The following UBE2D2 variants were observed in gnomAD, a reference collection of about 807,000 sequenced individuals.
UBE2D2 encodes the protein ubiquitin conjugating enzyme E2 D2.
Under a neutral mutation model 24.2 loss-of-function variants are expected in UBE2D2, and 2 were observed. That is an observed-to-expected ratio of 0.08 (90% CI 0.03 to 0.26). The LOEUF is 0.26. Among genes scored for constraint, UBE2D2 ranks in the 10% least tolerant of loss-of-function variants. The pLI is 1.00. For synonymous variants in UBE2D2, 58 were observed against 56.5 expected, an observed-to-expected ratio of 1.03 and a Z score of -0.12; for missense variants, 44 against 177.6, an observed-to-expected ratio of 0.25 and a Z score of 4.28.
At chr5:139,587,843 C>A (rs1041489099) in intron 1 of UBE2D2, among the ~76,000 whole-genome samples, 1 of 152,104 alleles carries the variant, frequency 6.6e-6, no homozygotes, top group Non-Finnish European at 1.5e-5. Context: ...TCCTGCTGTG[C>A]TCTCAGGCAG....
chr5:139,543,386 C>T (rs1257431369), intron 1 of UBE2D2, among the ~76,000 whole-genome samples: 1 of 152,202 alleles, frequency 6.6e-6, no homozygotes, highest in Non-Finnish European at 1.5e-5. Context: ...CTCCTTTCCC[C>T]GCTCCACTTT....
At position 139,546,807 on chromosome 5, in the gene UBE2D2, CTTCT is replaced by C. The variant is rs1405538149; in HGVS notation, c.-64+20205_-64+20208del. ...GGCCTTAAATTTTCTTTCTTTCTTT[CTTCT>C]TTCTTTCTTCCTTCCTTCCTTCCTT... On this transcript the variant is annotated intron_variant, in intron 1 of 6. Transcript: ENST00000511725. Among the ~76,000 whole-genome samples the C allele has an allele frequency of 1.4e-3, 195 of 141,962 alleles. 2 individuals carry two copies. The East Asian group carries it at 0.028, about 20-fold the overall frequency. 93.1% of individuals were successfully genotyped at this position (141,962 alleles called of 152,430 possible).
At chr5:139,600,219 G>A (rs1256008870) in intron 1 of UBE2D2, 153 bp from the exon 2 acceptor site, 1 of 846,820 alleles carries the variant, frequency 1.2e-6, no homozygotes, top group African/African-American at 1.7e-5. Context: ...ATACCTTAAA[G>A]ATTCACCAAT....
intron 1 of UBE2D2, among the ~76,000 whole-genome samples, chr5:139,546,810 C>T (rs1459428761): frequency 7.8e-6 from 1 of 128,256 alleles, no homozygotes; most frequent in African/African-American, 2.8e-5. Flanking sequence ...TTTCTTTCTT[C>T]TTTCTTTCTT....
In UBE2D2 at chr5:139,570,046, A is replaced by G. The variant is rs6863230; in HGVS notation, c.24+8231A>G. 9.3e-3 allele frequency among the ~76,000 whole-genome samples: 1,423 copies of G among 152,204 alleles called. 20 individuals are homozygous for G. The highest frequency in any genetic ancestry group is 0.032 in the African/African-American group (1,318 of 41,534). Reference sequence around the variant, plus strand: ...CAAGGTGGGAGGATTGCTTGTACCTAGGAGTTCAAGACCAGCTTGGTCTGT... The same window carrying G: ...CAAGGTGGGAGGATTGCTTGTACCTGGGAGTTCAAGACCAGCTTGGTCTGT... On this transcript the variant is annotated intron_variant, in intron 1 of 6. Transcript: ENST00000398733.
At chr5:139,586,914 A>G (rs531028355) in intron 1 of UBE2D2, among the ~76,000 whole-genome samples, 17 of 152,212 alleles carry the variant, frequency 1.1e-4, no homozygotes, top group African/African-American at 3.9e-4. Context: ...TTTAGTTTTT[A>G]TAAAAAAATC....
upstream of UBE2D2, among the ~76,000 whole-genome samples, chr5:139,559,031 G>A (rs944535669): frequency 6.6e-6 from 1 of 152,012 alleles, no homozygotes; most frequent in Non-Finnish European, 1.5e-5. Context: ...GAACTCCTGA[G>A]TTCAAGTGAT....
chr5:139,548,191 AAAAAAT>A (rs1752862314), intron 1 of UBE2D2, among the ~76,000 whole-genome samples: 2 of 52,172 alleles, frequency 3.8e-5, no homozygotes, highest in South Asian at 7.0e-4. Context: ...AAATAAAAAA[AAAAAAT>A]AAATAAATAA....
At chr5:139,558,266 A>G (rs1753007056), upstream of UBE2D2, among the ~76,000 whole-genome samples, 1 of 152,124 alleles carries the variant, frequency 6.6e-6, no homozygotes, top group African/African-American at 2.4e-5. Flanking sequence ...TTGAAACAGG[A>G]AAATTCACGA....
intron 1 of UBE2D2, among the ~76,000 whole-genome samples, chr5:139,549,676 C>T (rs888470653): frequency 7.9e-5 from 12 of 152,352 alleles, no homozygotes; most frequent in East Asian, 1.9e-4. Flanking sequence ...GGGGCGCCAC[C>T]CCCTGCTCCG....
At chr5:139,619,243 A>G (rs1025136475) in intron 5 of UBE2D2, among the ~76,000 whole-genome samples, 19 of 152,156 alleles carry the variant, frequency 1.2e-4, no homozygotes, top group Admixed American at 3.3e-4. Flanking sequence ...CAATAATACA[A>G]AAATTAGCAG....
chr5:139,549,691 G>A (rs111556754), intron 1 of UBE2D2, among the ~76,000 whole-genome samples: 7,553 of 152,308 alleles, frequency 0.05, 241 homozygotes, highest in South Asian at 0.11. Context: ...GCTCCGCGGC[G>A]CCCCATCCCA....
chr5:139,534,472 A>C (rs1225715866), intron 1 of UBE2D2, among the ~76,000 whole-genome samples: 1 of 151,628 alleles, frequency 6.6e-6, no homozygotes, highest in East Asian at 1.9e-4. Context: ...AGGCTGAGGC[A>C]GGAGAATGGC....
intron 1 of UBE2D2, among the ~76,000 whole-genome samples, chr5:139,564,573 C>T (rs926281980): frequency 2.6e-5 from 4 of 152,022 alleles, no homozygotes; most frequent in Non-Finnish European, 2.9e-5. Context: ...CCTGCCTCAG[C>T]CTCCGGAGTA....
At chr5:139,573,670 A>G (rs550998172) in intron 1 of UBE2D2, among the ~76,000 whole-genome samples, 3 of 152,126 alleles carry the variant, frequency 2.0e-5, no homozygotes, top group South Asian at 4.2e-4. Flanking sequence ...TCTGCTTTCC[A>G]TTTAAAATGT....
At chr5:139,607,223 A>G (rs1754218542) in intron 2 of UBE2D2, among the ~76,000 whole-genome samples, 1 of 152,234 alleles carries the variant, frequency 6.6e-6, no homozygotes, top group Non-Finnish European at 1.5e-5. Flanking sequence ...TCCAGAGAGT[A>G]ACCTAAATCA....
At chr5:139,601,605 C>T (rs1023130034) in intron 2 of UBE2D2, among the ~76,000 whole-genome samples, 1 of 151,914 alleles carries the variant, frequency 6.6e-6, no homozygotes, top group Non-Finnish European at 1.5e-5. Context: ...CAGAGTGAGA[C>T]GCTGTCTCAA....
intron 2 of UBE2D2, among the ~76,000 whole-genome samples, chr5:139,604,255 C>T (rs1042876799): frequency 6.6e-6 from 1 of 151,624 alleles, no homozygotes; most frequent in Non-Finnish European, 1.5e-5. Context: ...GTTCTCCTGC[C>T]TCAGCCTCCC....
chr5:139,570,756 C>A (rs1050372395), intron 1 of UBE2D2, among the ~76,000 whole-genome samples: 2 of 152,080 alleles, frequency 1.3e-5, no homozygotes, highest in Admixed American at 6.6e-5. Context: ...CGTGATCCAC[C>A]CACCTCGGCT....
Sources: allele counts gnomAD v4.1 joint callset (sites outside exome capture counted in the v4.1 genomes callset), GRCh38; gene constraint gnomAD v4.1.1; transcripts MANE v1.5; gene names NCBI Gene and HGNC (gene_info 2026-07-23, HGNC 2026-07-21).